Variants in COMMD7 observed in about 807,000 individuals in gnomAD.
COMMD7 encodes COMM domain containing 7.
Under a neutral mutation model 34.8 loss-of-function variants are expected in COMMD7, and 28 were observed. The observed-to-expected ratio is 0.80, with a 90% CI of 0.60 to 1.10. The LOEUF (loss-of-function observed/expected upper bound fraction) is 1.10. COMMD7 is among the 50% of genes least tolerant of loss of function. The pLI is 0.00. For missense variants in COMMD7, 211 were observed against 241.6 expected (o/e 0.87, Z 0.84); for synonymous variants, 80 against 86.4 (o/e 0.93, Z 0.41).
chr20:32,727,340 G>A (rs550209293), intron 3 of COMMD7, among the ~76,000 whole-genome samples: 1 of 151,710 alleles, frequency 6.6e-6, no homozygotes, highest in Non-Finnish European at 1.5e-5. Context: ...TGAGGTCAAG[G>A]GATCATGACC....
At chr20:32,706,918 C>T (rs558957818) in intron 3 of COMMD7, among the ~76,000 whole-genome samples, 158 bp from the exon 4 acceptor site, 3 of 152,008 alleles carry the variant, frequency 2.0e-5, no homozygotes, top group South Asian at 2.1e-4. Context: ...AAATAGCATC[C>T]GAAATGACCA....
intron 1 of COMMD7, among the ~76,000 whole-genome samples, chr20:32,732,963 G>C (rs578119317): frequency 6.7e-6 from 1 of 150,296 alleles, no homozygotes; most frequent in Non-Finnish European, 1.5e-5. Context: ...AAGGTCGGAC[G>C]CGGTGGCTCA....
intron 6 of COMMD7, 64 bp downstream of exon 6, chr20:32,704,750 T>A: frequency 1.7e-6 from 2 of 1,208,312 alleles, no homozygotes; most frequent in Non-Finnish European, 1.2e-6. Flanking sequence ...AGTGGCTGTG[T>A]CACAGCCTCT....
chr20:32,734,266 A>C (rs954923563), intron 1 of COMMD7, among the ~76,000 whole-genome samples: 3 of 151,574 alleles, frequency 2.0e-5, no homozygotes, highest in Non-Finnish European at 4.4e-5. Flanking sequence ...CAAGGTCAGG[A>C]GTTCAAGACC....
chr20:32,732,034 A>G (rs6057632), intron 1 of COMMD7, among the ~76,000 whole-genome samples: 104,489 of 152,146 alleles, frequency 0.69, 36,654 homozygotes, highest in Middle Eastern at 0.82. Flanking sequence ...CATGACTGAT[A>G]ATAGGATACA....
rs1459135735 is a variant in COMMD7, at chr20:32,739,631, C to T, written c.84+3677G>A. On this transcript the variant is annotated intron_variant, in intron 1 of 8. Transcript: ENST00000278980. ...CTGTACTCCAGCCTCGGTGACAGAGCAAGGCTCTGTATCAAAAAAAAAAAA... is the reference window on the plus strand; with the variant it reads ...CTGTACTCCAGCCTCGGTGACAGAGTAAGGCTCTGTATCAAAAAAAAAAAA... Among the ~76,000 whole-genome samples the T allele has an allele frequency of 6.1e-5, 5 of 82,020 alleles. 1 individual carries two copies. Among genetic ancestry groups the T allele is most frequent in the Non-Finnish European group, 1.2e-4 (5 of 41,070 alleles). 53.8% of individuals were successfully genotyped at this position (82,020 alleles called of 152,430 possible). A position where few individuals can be genotyped will look rare whatever the true frequency, so the allele number is the denominator to read the frequency against.
At chr20:32,739,342 A>T (rs1267072436) in intron 1 of COMMD7, among the ~76,000 whole-genome samples, 1 of 152,046 alleles carries the variant, frequency 6.6e-6, no homozygotes, top group East Asian at 1.9e-4. Context: ...GATTGCAAGG[A>T]CTCAATTAGT....
chr20:32,719,447 G>A (rs943497629), intron 3 of COMMD7, among the ~76,000 whole-genome samples: 2 of 152,052 alleles, frequency 1.3e-5, no homozygotes, highest in African/African-American at 2.4e-5. Context: ...TCAGGAGTTC[G>A]AGACCAGCCT....
At chr20:32,725,294 A>G (rs1434139565) in intron 3 of COMMD7, among the ~76,000 whole-genome samples, 1 of 152,168 alleles carries the variant, frequency 6.6e-6, no homozygotes, top group East Asian at 1.9e-4. Context: ...AGCTACATGA[A>G]TATGTTCATT....
chr20:32,729,616 T>TAAA (rs59640846), intron 1 of COMMD7, among the ~76,000 whole-genome samples: 1 of 141,986 alleles, frequency 7.0e-6, no homozygotes, highest in Non-Finnish European at 1.5e-5. Context: ...CCCCACCTCT[T>TAAA]AAAAAAAAAA....
chr20:32,732,684 T>C (rs2145775335), intron 1 of COMMD7, among the ~76,000 whole-genome samples: 1 of 152,198 alleles, frequency 6.6e-6, no homozygotes, highest in South Asian at 2.1e-4. Flanking sequence ...CCCAGCACTT[T>C]GGGAGGCGGA....
At chr20:32,722,227 A>AG (rs1985211693) in intron 3 of COMMD7, among the ~76,000 whole-genome samples, 2 of 145,742 alleles carry the variant, frequency 1.4e-5, no homozygotes, top group African/African-American at 2.6e-5. Context: ...CCTGGGTGAC[A>AG]AGAGCAAAAC....
At chr20:32,722,490 G>A (rs774885294) in intron 3 of COMMD7, among the ~76,000 whole-genome samples, 47 of 151,888 alleles carry the variant, frequency 3.1e-4, no homozygotes, top group Admixed American at 1.9e-3. Context: ...TGTGGGAGGC[G>A]TGGCCGGCAG....
chr20:32,705,595 G>C (rs1305972040), intron 5 of COMMD7, among the ~76,000 whole-genome samples: 1 of 151,838 alleles, frequency 6.6e-6, no homozygotes, highest in Admixed American at 6.6e-5. Context: ...GGATGATCTC[G>C]ATCTCCTGAC....
chr20:32,715,249 G>A (rs1346563022), intron 3 of COMMD7, among the ~76,000 whole-genome samples: 2 of 151,888 alleles, frequency 1.3e-5, no homozygotes, highest in Non-Finnish European at 2.9e-5. Context: ...CTGGGAGGCT[G>A]AGGCAGGTGG....
At chr20:32,710,734 A>C (rs113019689) in intron 3 of COMMD7, among the ~76,000 whole-genome samples, 114 of 77,340 alleles carry the variant, frequency 1.5e-3, no homozygotes, top group Non-Finnish European at 2.3e-3. Flanking sequence ...ATCTCAAAAA[A>C]AAAAAAAAAA....
intron 1 of COMMD7, chr20:32,742,628 A>C (rs1986506841): frequency 6.6e-6 from 1 of 152,208 alleles, no homozygotes; most frequent in Non-Finnish European, 1.5e-5. Flanking sequence ...CCCCCACTGT[A>C]CACAGTGTAT....
intron 1 of COMMD7, among the ~76,000 whole-genome samples, chr20:32,732,204 T>C (rs971404794): frequency 6.6e-6 from 1 of 152,098 alleles, no homozygotes; most frequent in African/African-American, 2.4e-5. Flanking sequence ...CCCACCTCAG[T>C]CTGCTGAGTA....
chr20:32,713,046 TTTC>T (rs1282020468), intron 3 of COMMD7, among the ~76,000 whole-genome samples: 3 of 150,904 alleles, frequency 2.0e-5, no homozygotes, highest in African/African-American at 7.3e-5. Context: ...TCTTTTTTAA[TTTC>T]TTTTTTTTTT....
Sources: allele counts gnomAD v4.1 joint callset (sites outside exome capture counted in the v4.1 genomes callset), GRCh38; gene constraint gnomAD v4.1.1; transcripts MANE v1.5; gene names NCBI Gene and HGNC (gene_info 2026-07-23, HGNC 2026-07-21).